Variants in LRRC37A observed in about 807,000 individuals in gnomAD.
The protein encoded by LRRC37A is leucine rich repeat containing 37A, also known as leucine-rich repeat-containing protein 37A.
LRRC37A carries 3 observed loss-of-function variants against 35.4 expected under a neutral mutation model. The observed-to-expected ratio is 0.08, with a 90% CI of 0.04 to 0.22. LRRC37A has a LOEUF of 0.22. Ranked by LOEUF, LRRC37A falls within the 10% of genes least tolerant of loss-of-function variation. The pLI is 1.00. For synonymous variants in LRRC37A, 23 were observed against 215.0 expected, an observed-to-expected ratio of 0.11 and a Z score of 7.81; for missense variants, 67 against 565.3, an observed-to-expected ratio of 0.12 and a Z score of 8.94.
At chr17:46,331,564 G>A (rs1456041267) in exon 9 of LRRC37A, 1 of 1,606,336 alleles carries the variant, frequency 6.2e-7, no homozygotes, top group African/African-American at 1.4e-5. Context: ...ATTCCGCTGG[G>A]ACTGCATTCA....
chr17:46,275,967 T>G, the LRRC37A span, among the ~76,000 whole-genome samples: 1 of 152,198 alleles, frequency 6.6e-6, no homozygotes, highest in African/African-American at 2.4e-5. Context: ...CTTGGCTCAC[T>G]GCAACCTCTG....
the LRRC37A span, among the ~76,000 whole-genome samples, chr17:46,263,179 A>T: frequency 6.6e-6 from 1 of 152,344 alleles, no homozygotes; most frequent in South Asian, 2.1e-4. Flanking sequence ...GAGTTTTGCC[A>T]CTGCACTCCA....
At chr17:46,268,709 C>T in the LRRC37A span, 1 of 1,449,014 alleles carries the variant, frequency 6.9e-7, no homozygotes, top group Non-Finnish European at 9.1e-7. Context: ...ACCATCCTGG[C>T]ATTTCTGGAT....
At chr17:46,278,391 G>GTTTTAT in the LRRC37A span, among the ~76,000 whole-genome samples, 1 of 143,450 alleles carries the variant, frequency 7.0e-6, no homozygotes, top group African/African-American at 2.8e-5. Context: ...GTTCTGTTTT[G>GTTTTAT]TTTTATTTTG....
At chr17:46,272,532 A>T in the LRRC37A span, among the ~76,000 whole-genome samples, 1 of 152,152 alleles carries the variant, frequency 6.6e-6, no homozygotes, top group East Asian at 1.9e-4. Context: ...CTCCTGCCTC[A>T]GCCTCCCTAG....
rs1229013511 is a variant in LRRC37A, at chr17:46,314,686, A to G, written c.2907-7636A>G. Among the ~76,000 whole-genome samples, 2 of 76,014 alleles carry G rather than the reference A, an allele frequency of 2.6e-5. 1 individual carries two copies. The highest frequency in any genetic ancestry group is 5.2e-4 in the East Asian group (2 of 3,832). 49.9% of individuals were successfully genotyped at this position (76,014 alleles called of 152,430 possible). On this transcript the variant is annotated intron_variant, in intron 5 of 13. Transcript: ENST00000320254. ...GTAGTGAAACCATAGATCAGTTTGGAGAATCATGCTATTATTATCTGCTTC... is the reference window on the plus strand; with the variant it reads ...GTAGTGAAACCATAGATCAGTTTGGGGAATCATGCTATTATTATCTGCTTC...
the LRRC37A span, among the ~76,000 whole-genome samples, chr17:46,283,212 C>T: frequency 6.6e-6 from 1 of 152,194 alleles, no homozygotes; most frequent in Non-Finnish European, 1.5e-5. Flanking sequence ...TTTATACCCC[C>T]ACCAGCCTTG....
chr17:46,272,122 A>G, the LRRC37A span, among the ~76,000 whole-genome samples: 1 of 152,234 alleles, frequency 6.6e-6, no homozygotes, highest in African/African-American at 2.4e-5. Flanking sequence ...CCAATAGGAA[A>G]ATACTTTTCA....
At chr17:46,265,288 CTTCTTCTTCTTCTTCTTCTT>C in the LRRC37A span, among the ~76,000 whole-genome samples, 1 of 108,902 alleles carries the variant, frequency 9.2e-6, no homozygotes. Flanking sequence ...TCTTCTTCTT[CTTCTTCTTCTTCTTCTTCTT>C]CTTCTTCCTC....
the LRRC37A span, among the ~76,000 whole-genome samples, chr17:46,285,082 T>C: frequency 1.3e-5 from 2 of 152,202 alleles, no homozygotes; most frequent in Non-Finnish European, 2.9e-5. Flanking sequence ...TTGCCCAGAT[T>C]GGTCTCTAAC....
At chr17:46,309,129 G>A (rs1224204234) in intron 5 of LRRC37A, among the ~76,000 whole-genome samples, 3 of 73,038 alleles carry the variant, frequency 4.1e-5, no homozygotes, top group African/African-American at 1.1e-4. Flanking sequence ...GAGCTTATTA[G>A]TGGACTTAAC....
chr17:46,265,407 T>C, the LRRC37A span, among the ~76,000 whole-genome samples: 2 of 151,214 alleles, frequency 1.3e-5, no homozygotes, highest in African/African-American at 4.9e-5. Flanking sequence ...TCCTCCTTCC[T>C]CCTCCTCCTC....
chr17:46,267,122 G>A, the LRRC37A span: 1 of 459,662 alleles, frequency 2.2e-6, no homozygotes, highest in Non-Finnish European at 3.7e-6. Context: ...GGGCATGGAC[G>A]GGCGAGAGGC....
upstream of LRRC37A, among the ~76,000 whole-genome samples, chr17:46,291,969 CAAAAAAAA>C (rs59554870): frequency 1.7e-5 from 1 of 58,090 alleles, no homozygotes; most frequent in Non-Finnish European, 3.2e-5. Flanking sequence ...TCTCAAAAAG[CAAAAAAAA>C]AAAAAAAAAA....
chr17:46,269,821 AC>A, the LRRC37A span, among the ~76,000 whole-genome samples: 2 of 152,122 alleles, frequency 1.3e-5, no homozygotes, highest in African/African-American at 4.8e-5. Flanking sequence ...CCTTGGATGC[AC>A]CTGTTTATTT....
the LRRC37A span, among the ~76,000 whole-genome samples, chr17:46,260,935 T>C: frequency 0.077 from 10,222 of 133,240 alleles, no homozygotes; most frequent in Middle Eastern, 0.13. Context: ...TGGAGACTAT[T>C]ATTCTCAGCG....
At chr17:46,261,216 AATT>A in the LRRC37A span, among the ~76,000 whole-genome samples, 9 of 152,034 alleles carry the variant, frequency 5.9e-5, no homozygotes, top group Non-Finnish European at 8.8e-5. Flanking sequence ...TGGAAATAAA[AATT>A]TTTTTTTAGA....
At chr17:46,280,954 GACTTT>G in the LRRC37A span, among the ~76,000 whole-genome samples, 1 of 152,146 alleles carries the variant, frequency 6.6e-6, no homozygotes, top group African/African-American at 2.4e-5. Context: ...TATTTATTCT[GACTTT>G]ACTTGACTGT....
chr17:46,260,633 T>TTC, the LRRC37A span: 2 of 1,475,230 alleles, frequency 1.4e-6, no homozygotes, highest in Admixed American at 4.4e-5. Flanking sequence ...TTTTTTTTTT[T>TTC]TTTTTTTGAG....
Sources: gnomAD v4.1 joint callset for allele counts (sites outside exome capture counted in the v4.1 genomes callset) on GRCh38, gnomAD v4.1.1 for gene constraint, MANE v1.5 for transcripts, NCBI Gene and HGNC (gene_info 2026-07-23, HGNC 2026-07-21) for gene names.